The following DLG2 variants were observed in gnomAD, a reference collection of about 807,000 sequenced individuals.
The protein encoded by DLG2 is disks large homolog 2.
A neutral mutation model predicts 132.5 loss-of-function variants in DLG2; 45 were observed. The ratio of observed to expected loss-of-function variants is 0.34; its 90% CI spans 0.27 to 0.44. DLG2 has a LOEUF of 0.44. Ranked by LOEUF, DLG2 falls within the 20% of genes least tolerant of loss-of-function variation. The pLI is 1.00. For missense variants in DLG2, 1,045 were observed against 1,196.9 expected, an observed-to-expected ratio of 0.87 and a Z score of 1.87; for synonymous variants, 424 against 419.6, an observed-to-expected ratio of 1.01 and a Z score of -0.13.
chr11:85,430,350 A>G (rs1165578024), intron 3 of DLG2, among the ~76,000 whole-genome samples: 1 of 151,906 alleles, frequency 6.6e-6, no homozygotes. Context: ...CTTAAAGTAT[A>G]ATAAAAAAAA....
At chr11:83,474,483 A>C (rs1420940905) in intron 22 of DLG2, among the ~76,000 whole-genome samples, 2 of 152,158 alleles carry the variant, frequency 1.3e-5, no homozygotes, top group African/African-American at 2.4e-5. Flanking sequence ...ATTTTAGACT[A>C]TAACTTTACA....
At chr11:84,254,757 T>C (rs1039643962) in intron 7 of DLG2, among the ~76,000 whole-genome samples, 1 of 152,160 alleles carries the variant, frequency 6.6e-6, no homozygotes, top group African/African-American at 2.4e-5. Flanking sequence ...AGGACAAGAA[T>C]TTGAAGGATA....
chr11:83,534,349 T>G (rs2095832075), intron 20 of DLG2, among the ~76,000 whole-genome samples: 1 of 152,226 alleles, frequency 6.6e-6, no homozygotes, highest in Non-Finnish European at 1.5e-5. Flanking sequence ...TGACTTCTTG[T>G]TTAAATATTG....
At chr11:85,262,851 C>T (rs955137803) in intron 4 of DLG2, among the ~76,000 whole-genome samples, 2 of 152,102 alleles carry the variant, frequency 1.3e-5, no homozygotes, top group African/African-American at 2.4e-5. Context: ...ATAAGCAGCC[C>T]AACCCTCATT....
At chr11:85,591,655 A>C (rs1013673413) in intron 3 of DLG2, among the ~76,000 whole-genome samples, 2 of 152,190 alleles carry the variant, frequency 1.3e-5, no homozygotes, top group African/African-American at 4.8e-5. Context: ...AGGCAGAAGA[A>C]TCCCTTGAAT....
intron 8 of DLG2, among the ~76,000 whole-genome samples, chr11:84,219,094 A>G (rs952998264): frequency 3.9e-5 from 6 of 152,210 alleles, no homozygotes; most frequent in Non-Finnish European, 5.9e-5. Context: ...ACTGGTTGTC[A>G]AGATGCGCTG....
At chr11:84,793,484 T>A (rs888574277) in intron 6 of DLG2, among the ~76,000 whole-genome samples, 2 of 152,228 alleles carry the variant, frequency 1.3e-5, no homozygotes, top group African/African-American at 4.8e-5. Flanking sequence ...ATCTGTCCAA[T>A]GTTGACAGTG....
intron 24 of DLG2, 122 bp downstream of exon 24, chr11:83,471,504 C>A: frequency 4.4e-6 from 3 of 677,686 alleles, no homozygotes; most frequent in East Asian, 5.4e-5. Flanking sequence ...CTCAGCTAAT[C>A]GGAAATGGTT....
At chr11:83,841,227 T>C (rs2057451449) in intron 16 of DLG2, among the ~76,000 whole-genome samples, 1 of 152,224 alleles carries the variant, frequency 6.6e-6, no homozygotes, top group South Asian at 2.1e-4. Flanking sequence ...CATCTGATGA[T>C]TGAATAAATA....
intron 3 of DLG2, among the ~76,000 whole-genome samples, chr11:85,383,696 TAAC>T (rs2152933912): frequency 6.6e-6 from 1 of 152,300 alleles, no homozygotes; most frequent in African/African-American, 2.4e-5. Flanking sequence ...ATTTTAGTAA[TAAC>T]AATGATTTTC....
At chr11:85,223,425 AG>A (rs1369991957) in intron 4 of DLG2, among the ~76,000 whole-genome samples, 3 of 152,124 alleles carry the variant, frequency 2.0e-5, no homozygotes. Flanking sequence ...GCTTGAGTCC[AG>A]GAGTTCCAGA....
intron 6 of DLG2, among the ~76,000 whole-genome samples, chr11:84,761,810 T>C (rs1390515033): frequency 4.6e-5 from 7 of 152,172 alleles, no homozygotes; most frequent in Admixed American, 3.9e-4. Flanking sequence ...ATTCTGGGAC[T>C]TTACTTTGTG....
In DLG2 at chr11:85,561,725, A is replaced by G. The variant is rs1361738904; in HGVS notation, c.40+36932T>C. 1.3e-5 allele frequency among the ~76,000 whole-genome samples: 2 copies of G among 151,868 alleles called. 1 individual carries two copies. Among genetic ancestry groups the G allele is most frequent in the Non-Finnish European group, 2.9e-5 (2 of 67,912 alleles). On this transcript the variant is annotated intron_variant, in intron 3 of 27. Transcript: ENST00000376104. ...ACTTCATTATGCTATAAATCTTACAACCGTTCTAATCACAAACTGGTACAG... is the reference window on the plus strand; with the variant it reads ...ACTTCATTATGCTATAAATCTTACAGCCGTTCTAATCACAAACTGGTACAG...
rs140036490 is a variant in DLG2, at chr11:85,527,348, C to T, written c.40+71309G>A. On this transcript the variant is annotated intron_variant, in intron 3 of 27. Coordinates refer to ENST00000376104, the MANE Select transcript of DLG2 (RefSeq NM_001142699.3). ...TGTCCTAATGCTCTCTCTCCCCTTGCGCCCCACCCCTCAACAGGCTCTGGT... is the reference window on the plus strand; with the variant it reads ...TGTCCTAATGCTCTCTCTCCCCTTGTGCCCCACCCCTCAACAGGCTCTGGT... 1.9e-3 allele frequency among the ~76,000 whole-genome samples: 283 copies of T among 151,998 alleles called. 1 individual carries two copies. Among genetic ancestry groups the T allele is most frequent in the Non-Finnish European group, 3.1e-3 (211 of 67,966 alleles).
chr11:83,962,546 C>T (rs766150056), intron 14 of DLG2, among the ~76,000 whole-genome samples: 5 of 152,054 alleles, frequency 3.3e-5, no homozygotes, highest in Non-Finnish European at 7.4e-5. Flanking sequence ...ATGCTACTTC[C>T]TTCCTTTTGA....
At chr11:84,803,091 G>A (rs541495918) in intron 6 of DLG2, among the ~76,000 whole-genome samples, 4 of 152,256 alleles carry the variant, frequency 2.6e-5, no homozygotes, top group South Asian at 4.1e-4. Flanking sequence ...AAGCCACAGC[G>A]CCCGGCCCTT....
chr11:85,459,014 T>G (rs1456605831), intron 3 of DLG2, among the ~76,000 whole-genome samples: 1 of 152,154 alleles, frequency 6.6e-6, no homozygotes, highest in Non-Finnish European at 1.5e-5. Flanking sequence ...GGGGCACCTG[T>G]GCTTTGGGCT....
At chr11:84,631,029 C>CAT (rs2099631142) in intron 6 of DLG2, among the ~76,000 whole-genome samples, 1 of 127,764 alleles carries the variant, frequency 7.8e-6, no homozygotes, top group Non-Finnish European at 1.7e-5. Flanking sequence ...CACACACACA[C>CAT]ACACACACAC....
intron 6 of DLG2, among the ~76,000 whole-genome samples, chr11:84,789,086 C>T (rs1006305821): frequency 6.6e-6 from 1 of 152,148 alleles, no homozygotes; most frequent in Non-Finnish European, 1.5e-5. Context: ...TGGCACAGCA[C>T]CTTGCAAATC....
Sources: gnomAD v4.1 joint callset for allele counts (sites outside exome capture counted in the v4.1 genomes callset) on GRCh38, gnomAD v4.1.1 for gene constraint, MANE v1.5 for transcripts, NCBI Gene and HGNC (gene_info 2026-07-23, HGNC 2026-07-21) for gene names.